CNTN3: variants seen among roughly 807,000 people sequenced by gnomAD.
CNTN3 encodes the protein contactin 3.
CNTN3 carries 60 observed loss-of-function variants against 119.1 expected under a neutral mutation model. The observed-to-expected ratio is 0.50, with a 90% CI of 0.41 to 0.62. The LOEUF (loss-of-function observed/expected upper bound fraction) is 0.62, where lower values mean the gene tolerates loss of function less well. Ranked by LOEUF, CNTN3 falls within the 20% of genes least tolerant of loss-of-function variation. The probability of loss-of-function intolerance (pLI) is 0.00; values close to 1 mark genes in which losing one functional copy is unlikely to be tolerated. For missense variants in CNTN3, 1,101 were observed against 1,242.4 expected (o/e 0.89, Z 1.71); for synonymous variants, 450 against 438.7 (o/e 1.03, Z -0.32).
chr3:74,478,963 T>C (rs999157909), intron 4 of CNTN3, among the ~76,000 whole-genome samples: 1 of 152,014 alleles, frequency 6.6e-6, no homozygotes, highest in African/African-American at 2.4e-5. Flanking sequence ...TCTCTTAAAT[T>C]GTAAAAAATA....
intron 1 of CNTN3, among the ~76,000 whole-genome samples, chr3:74,588,481 C>T (rs949491559): frequency 4.6e-5 from 7 of 152,000 alleles, no homozygotes; most frequent in African/African-American, 1.7e-4. Context: ...GAAGAACATT[C>T]CATGCTCATG....
chr3:74,277,167 G>C (rs1426784323), intron 20 of CNTN3, among the ~76,000 whole-genome samples: 1 of 152,048 alleles, frequency 6.6e-6, no homozygotes, highest in Non-Finnish European at 1.5e-5. Flanking sequence ...AAAAGTTCAG[G>C]AGCAGAAGGA....
chr3:74,574,281 G>A (rs1704379316), intron 1 of CNTN3, among the ~76,000 whole-genome samples: 1 of 152,132 alleles, frequency 6.6e-6, no homozygotes, highest in South Asian at 2.1e-4. Context: ...CTTAGAAGAA[G>A]GCAGGGGGAG....
At chr3:74,279,623 C>G (rs983621116) in intron 20 of CNTN3, among the ~76,000 whole-genome samples, 12 of 149,700 alleles carry the variant, frequency 8.0e-5, no homozygotes, top group African/African-American at 2.5e-4. Flanking sequence ...ATACAATGGA[C>G]TTTCGGGACT....
chr3:74,572,388 C>A (rs1704347815), intron 1 of CNTN3, among the ~76,000 whole-genome samples: 1 of 151,974 alleles, frequency 6.6e-6, no homozygotes, highest in Non-Finnish European at 1.5e-5. Flanking sequence ...ACTATGGGAT[C>A]AACATAAATG....
At chr3:74,413,058 G>A (rs1296892764) in intron 5 of CNTN3, among the ~76,000 whole-genome samples, 1 of 152,090 alleles carries the variant, frequency 6.6e-6, no homozygotes, top group Non-Finnish European at 1.5e-5. Flanking sequence ...TGGCCCATTT[G>A]GTCAGCACTG....
At chr3:74,582,783 TTG>T (rs60306845) in intron 1 of CNTN3, among the ~76,000 whole-genome samples, 42,361 of 144,644 alleles carry the variant, frequency 0.29, 6,582 homozygotes, top group Non-Finnish European at 0.38. Context: ...GTGTATGCAT[TTG>T]TGTGTGTGTG....
At chr3:74,535,031 A>T (rs1165903858) in intron 1 of CNTN3, among the ~76,000 whole-genome samples, 1 of 152,016 alleles carries the variant, frequency 6.6e-6, no homozygotes, top group Non-Finnish European at 1.5e-5. Flanking sequence ...TATAATTGAC[A>T]CCTTGTCTGG....
At chr3:74,532,567 T>G (rs1703708005) in intron 1 of CNTN3, among the ~76,000 whole-genome samples, 1 of 152,014 alleles carries the variant, frequency 6.6e-6, no homozygotes, top group South Asian at 2.1e-4. Flanking sequence ...AACAGTTGAC[T>G]TGATCATTGA....
chr3:74,334,662 C>T, intron 13 of CNTN3, 73 bp downstream of exon 13: 1 of 1,350,950 alleles, frequency 7.4e-7, no homozygotes, highest in Non-Finnish European at 1.0e-6. Context: ...GTCTATATGT[C>T]AGACAGTTTT....
intron 13 of CNTN3, among the ~76,000 whole-genome samples, chr3:74,305,821 C>A (rs982189035): frequency 1.3e-5 from 2 of 151,206 alleles, no homozygotes; most frequent in African/African-American, 4.9e-5. Context: ...TTGGGCTATC[C>A]TCTTATGACT....
chr3:74,580,714 C>G (rs1704491687), intron 1 of CNTN3, among the ~76,000 whole-genome samples: 1 of 152,034 alleles, frequency 6.6e-6, no homozygotes, highest in African/African-American at 2.4e-5. Context: ...TAGAAATGAA[C>G]TGCTTCAATA....
chr3:74,569,080 G>C (rs1227060972), intron 1 of CNTN3, among the ~76,000 whole-genome samples: 2 of 152,108 alleles, frequency 1.3e-5, no homozygotes, highest in East Asian at 1.9e-4. Flanking sequence ...CCTTGAACTT[G>C]GCAGATTAAG....
intron 20 of CNTN3, among the ~76,000 whole-genome samples, chr3:74,268,382 C>G (rs940324714): frequency 1.3e-5 from 2 of 152,120 alleles, no homozygotes; most frequent in Non-Finnish European, 2.9e-5. Flanking sequence ...TGTGATTTGG[C>G]TAACTGAATT....
intron 12 of CNTN3, among the ~76,000 whole-genome samples, chr3:74,335,680 T>A (rs745614529): frequency 6.6e-6 from 1 of 152,082 alleles, no homozygotes; most frequent in Non-Finnish European, 1.5e-5. Context: ...CTCATAACCA[T>A]CCTGCTGATA....
intron 5 of CNTN3, among the ~76,000 whole-genome samples, chr3:74,419,605 A>G (rs1445225832): frequency 1.3e-5 from 2 of 152,184 alleles, no homozygotes; most frequent in Admixed American, 1.3e-4. Context: ...GAATGGCAGT[A>G]TACAAGACTT....
At chr3:74,295,818 C>G (rs1702327220) in intron 18 of CNTN3, among the ~76,000 whole-genome samples, 1 of 152,098 alleles carries the variant, frequency 6.6e-6, no homozygotes, top group Non-Finnish European at 1.5e-5. Flanking sequence ...ATGGGGTTCA[C>G]AGTGGTTCTC....
chr3:74,563,460 T>C (rs1351505229), intron 1 of CNTN3, among the ~76,000 whole-genome samples: 1 of 152,164 alleles, frequency 6.6e-6, no homozygotes, highest in African/African-American at 2.4e-5. Flanking sequence ...TGTAATAATT[T>C]ACAGTTACCC....
At chr3:74,567,265 T>C (rs1182812658) in intron 1 of CNTN3, among the ~76,000 whole-genome samples, 4 of 151,480 alleles carry the variant, frequency 2.6e-5, no homozygotes, top group African/African-American at 9.7e-5. Flanking sequence ...CTGTGCCTCC[T>C]GAGTGGCTGG....
Sources: gnomAD v4.1 joint callset for allele counts (sites outside exome capture counted in the v4.1 genomes callset) on GRCh38, gnomAD v4.1.1 for gene constraint, MANE v1.5 for transcripts, NCBI Gene and HGNC (gene_info 2026-07-23, HGNC 2026-07-21) for gene names.